The following TTC6 variants were observed in gnomAD, a reference collection of about 807,000 sequenced individuals.
TTC6 encodes the protein tetratricopeptide repeat domain 6, also known as tetratricopeptide repeat protein 6.
In TTC6, 172 loss-of-function variants were observed where a neutral mutation model predicts 210.4. The observed-to-expected ratio is 0.82, with a 90% CI of 0.72 to 0.93. The LOEUF (loss-of-function observed/expected upper bound fraction) is 0.93. TTC6 is among the 40% of genes least tolerant of loss of function. TTC6 has a pLI of 0.00. For synonymous variants in TTC6, 804 were observed against 819.6 expected (o/e 0.98, Z 0.32); for missense variants, 2,414 against 2,318.1 (o/e 1.04, Z -0.85).
intron 1 of TTC6, among the ~76,000 whole-genome samples, chr14:37,604,355 G>A (rs2095621269): frequency 6.6e-6 from 1 of 152,188 alleles, no homozygotes; most frequent in African/African-American, 2.4e-5. Flanking sequence ...ACCTTCTGGG[G>A]TAAGGTGGTT....
chr14:37,821,955 A>G (rs1328631023), intron 26 of TTC6, among the ~76,000 whole-genome samples: 1 of 151,152 alleles, frequency 6.6e-6, no homozygotes, highest in East Asian at 2.0e-4. Flanking sequence ...TAATTTTTGT[A>G]TTTTCAGTAG....
chr14:37,784,680 A>G (rs1364435256), intron 14 of TTC6, among the ~76,000 whole-genome samples: 1 of 152,030 alleles, frequency 6.6e-6, no homozygotes, highest in African/African-American at 2.4e-5. Flanking sequence ...TTAGCTGGTT[A>G]TTTTGCTTGT....
chr14:37,834,299 T>C (rs1357403505), intron 29 of TTC6, among the ~76,000 whole-genome samples: 1 of 152,020 alleles, frequency 6.6e-6, no homozygotes, highest in African/African-American at 2.4e-5. Context: ...TCTTTTCTTT[T>C]GAACTCCCAA....
At chr14:37,648,415 G>C (rs192132711) in intron 1 of TTC6, among the ~76,000 whole-genome samples, 223 of 152,214 alleles carry the variant, frequency 1.5e-3, no homozygotes, top group African/African-American at 5.2e-3. Context: ...CTTGGATTCT[G>C]GGAAAAATGT....
chr14:37,812,905 G>GA (rs1325413368), intron 25 of TTC6, among the ~76,000 whole-genome samples: 15 of 152,022 alleles, frequency 9.9e-5, no homozygotes, highest in Non-Finnish European at 1.9e-4. Flanking sequence ...AATCATACTA[G>GA]AAAAAAGTAT....
chr14:37,811,489 A>C (rs2096129448), intron 24 of TTC6, among the ~76,000 whole-genome samples: 1 of 152,212 alleles, frequency 6.6e-6, no homozygotes. Flanking sequence ...CAGATGCTAC[A>C]GGCATAATAA....
chr14:37,633,739 C>T (rs974089889), intron 1 of TTC6, among the ~76,000 whole-genome samples: 1 of 152,238 alleles, frequency 6.6e-6, no homozygotes, highest in Non-Finnish European at 1.5e-5. Flanking sequence ...CTCGCTCCCT[C>T]TTCCCTCTGG....
intron 29 of TTC6, among the ~76,000 whole-genome samples, chr14:37,830,690 A>T (rs560578163): frequency 6.6e-6 from 1 of 150,918 alleles, no homozygotes; most frequent in Admixed American, 6.6e-5. Context: ...GGGTTCCTGT[A>T]TTTCTGATTC....
intron 25 of TTC6, among the ~76,000 whole-genome samples, chr14:37,816,224 C>T (rs2096141393): frequency 6.6e-6 from 1 of 152,142 alleles, no homozygotes; most frequent in Non-Finnish European, 1.5e-5. Context: ...GTGACTAATA[C>T]TGCGTCCTCC....
At chr14:37,718,895 G>A (rs1342462018) in intron 6 of TTC6, among the ~76,000 whole-genome samples, 1 of 152,070 alleles carries the variant, frequency 6.6e-6, no homozygotes. Context: ...CCGTGATCAT[G>A]CACTCCAGCC....
intron 29 of TTC6, among the ~76,000 whole-genome samples, chr14:37,839,987 G>T (rs1266494414): frequency 6.6e-6 from 1 of 152,106 alleles, no homozygotes; most frequent in Non-Finnish European, 1.5e-5. Flanking sequence ...TGAGGCCTCT[G>T]TTCTGTTCCA....
chr14:37,610,519 GTTTTTC>G (rs2095632578), intron 2 of TTC6, among the ~76,000 whole-genome samples: 1 of 152,208 alleles, frequency 6.6e-6, no homozygotes, highest in Admixed American at 6.5e-5. Context: ...TATCTAATTG[GTTTTTC>G]TTTTTCTTTT....
chr14:37,623,226 G>C, intron 1 of TTC6, among the ~76,000 whole-genome samples: 1 of 152,186 alleles, frequency 6.6e-6, no homozygotes. Context: ...GAAGGAAACT[G>C]AGCCATGATC....
At chr14:37,621,023 G>A (rs1257506030), upstream of TTC6, among the ~76,000 whole-genome samples, 1 of 149,196 alleles carries the variant, frequency 6.7e-6, no homozygotes, top group Non-Finnish European at 1.5e-5. Flanking sequence ...AAAAAGTACA[G>A]AGAGTGGCAC....
In TTC6 at chr14:37,749,848, G is replaced by A. The variant is rs1298264948; in HGVS notation, c.2956+5G>A. On this transcript the variant is annotated splice_donor_5th_base_variant and intron_variant, in intron 12 of 30. Transcript: ENST00000553443. ...AATATAATAAAAATAATACAGGTGG[G>A]TTGTCTGTAGAGACAGTTATATTAC... The A allele has an allele frequency of 1.5e-6, 2 of 1,360,310 alleles. No individual in the cohort carries two copies. The highest frequency in any genetic ancestry group is 1.9e-6 in the Non-Finnish European group (2 of 1,055,280). The allele number at this position is 1,360,310 out of a possible 1,614,324, so 84.3% of individuals were successfully genotyped here.
At chr14:37,744,457 A>G (rs2095930000) in intron 10 of TTC6, among the ~76,000 whole-genome samples, 1 of 152,290 alleles carries the variant, frequency 6.6e-6, no homozygotes, top group Non-Finnish European at 1.5e-5. Context: ...TGAGGGAGTG[A>G]GGTGTTTGAA....
chr14:37,601,694 T>C (rs1363876707), intron 1 of TTC6, among the ~76,000 whole-genome samples: 1 of 152,192 alleles, frequency 6.6e-6, no homozygotes, highest in African/African-American at 2.4e-5. Flanking sequence ...TCTTACCCTG[T>C]CATCAATGCC....
chr14:37,596,613 G>T (rs1566828265), intron 1 of TTC6, among the ~76,000 whole-genome samples: 1 of 152,246 alleles, frequency 6.6e-6, no homozygotes, highest in African/African-American at 2.4e-5. Flanking sequence ...TGTTTTGAGT[G>T]TGTGACCGTT....
At position 37,663,849 on chromosome 14, in the gene TTC6, T is replaced by G. The variant is rs573128037; in HGVS notation, c.940-16302T>G. Among the ~76,000 whole-genome samples, 4 of 152,218 alleles carry G rather than the reference T, an allele frequency of 2.6e-5. No homozygotes were observed. In the South Asian group the frequency reaches 8.3e-4, roughly 32 times the overall value. ...TGTGCAAAAGTTGCTAGCATTCTTG[T>G]ACACCAACAACAGGCAAGCAGAGAG... On this transcript the variant is annotated intron_variant, in intron 1 of 30. Transcript: ENST00000553443.
Sources: allele counts gnomAD v4.1 joint callset (sites outside exome capture counted in the v4.1 genomes callset), GRCh38; gene constraint gnomAD v4.1.1; transcripts MANE v1.5; gene names NCBI Gene and HGNC (gene_info 2026-07-23, HGNC 2026-07-21).